S1PR2: variants seen among roughly 807,000 people sequenced by gnomAD.
S1PR2 encodes sphingosine-1-phosphate receptor 2.
In S1PR2, 9 loss-of-function variants were observed where a neutral mutation model predicts 16.1. The observed-to-expected ratio is 0.56, with a 90% CI of 0.34 to 0.98. S1PR2 has a LOEUF of 0.98. Among genes scored for constraint, S1PR2 ranks in the 50% least tolerant of loss-of-function variants. The probability of loss-of-function intolerance (pLI) is 0.02; values close to 1 mark genes in which losing one functional copy is unlikely to be tolerated. For missense variants in S1PR2, 361 were observed against 488.4 expected (o/e 0.74, Z 2.46); for synonymous variants, 224 against 233.9 (o/e 0.96, Z 0.38).
intron 1 of S1PR2, among the ~76,000 whole-genome samples, chr19:10,229,765 T>C (rs1053940787): frequency 1.3e-5 from 2 of 150,762 alleles, no homozygotes; most frequent in South Asian, 2.1e-4. Context: ...CAGTCTACAA[T>C]AGCAGCCATC....
At chr19:10,229,715 A>G (rs1213877888) in intron 1 of S1PR2, among the ~76,000 whole-genome samples, 2 of 152,258 alleles carry the variant, frequency 1.3e-5, no homozygotes, top group South Asian at 2.1e-4. Flanking sequence ...TGACCTTTCT[A>G]TTTAAAGGTC....
chr19:10,223,978 C>A lies in S1PR2; in HGVS notation c.928G>T (p.Val310Leu). 6.2e-7 allele frequency: 1 copy of A among 1,609,234 alleles called. No individual in the cohort carries two copies. Among genetic ancestry groups the A allele is most frequent in the Non-Finnish European group, 8.5e-7 (1 of 1,177,332 alleles). ...CCCCGCCTCCGTCCTTGCACCCCCA[C>A]CCCCGGCCTCCAGCACTGCAGCGGC... ...LRPLQCWRPG[V>L]GVQGRRRGGT... The change falls in exon 2 of 2, where the codon GTG (valine) becomes TTG (leucine). Residue 310 changes from valine to leucine, a missense_variant. By Grantham distance (32) the Val-to-Leu change is conservative. Transcript: ENST00000646641.
At position 10,223,904 on chromosome 19, in the gene S1PR2, C is replaced by T. The variant is rs886688510; in HGVS notation, c.1002G>A (p.Leu334=). ...HLLPLRSSSS[L]ERGMHMPTSP... Reference sequence around the variant, plus strand: ...ACGTGGGCATGTGCATGCCCCTCTCCAGGGAGCTGGAGCTGCGGAGTGGCA... The same window carrying T: ...ACGTGGGCATGTGCATGCCCCTCTCTAGGGAGCTGGAGCTGCGGAGTGGCA... The change falls in exon 2 of 2, where the codon CTG becomes CTA. Residue 334 remains leucine (L), a synonymous_variant. Coordinates refer to ENST00000646641, the MANE Select transcript of S1PR2 (RefSeq NM_004230.4). 1.9e-6 allele frequency: 3 copies of T among 1,593,296 alleles called. No individual in the cohort carries two copies. The highest frequency in any genetic ancestry group is 2.6e-6 in the Non-Finnish European group (3 of 1,169,586).
At chr19:10,230,215 G>A (rs539223876) in intron 1 of S1PR2, among the ~76,000 whole-genome samples, 4 of 152,302 alleles carry the variant, frequency 2.6e-5, no homozygotes, top group Admixed American at 1.3e-4. Flanking sequence ...TCCTTATCTG[G>A]TTTAGGAATG....
intron 1 of S1PR2, among the ~76,000 whole-genome samples, chr19:10,229,142 G>C (rs7250265): frequency 0.82 from 124,128 of 151,952 alleles, 51,130 homozygotes; most frequent in African/African-American, 0.9. Context: ...GCCCAAGTAG[G>C]ATGGCCCCTG....
chr19:10,224,489 C>T lies in S1PR2; in HGVS notation c.417G>A (p.Leu139=), dbSNP rs1160818107. The T allele has an allele frequency of 6.2e-7, 1 of 1,613,796 alleles. No individual in the cohort carries two copies. Among genetic ancestry groups the T allele is most frequent in the Non-Finnish European group, 8.5e-7 (1 of 1,180,062 alleles). The part of the protein sequence containing the change: ...ERHVAIAKVK[L]YGSDKSCRML... ...TGCGGCAGCTCTTGTCGCTGCCATA[C>T]AGCTTGACCTTGGCAATGGCCACGT... Residue 139 remains leucine (L), a synonymous_variant, in exon 2 of 2, where the codon CTG becomes CTA. Transcript: ENST00000646641.
At chr19:10,227,188 G>A (rs2039641048) in intron 1 of S1PR2, among the ~76,000 whole-genome samples, 1 of 152,036 alleles carries the variant, frequency 6.6e-6, no homozygotes, top group African/African-American at 2.4e-5. Flanking sequence ...TAAATGGGAG[G>A]GAGGGGGGAG....
At chr19:10,227,095 G>T (rs779157306) in intron 1 of S1PR2, among the ~76,000 whole-genome samples, 2 of 151,940 alleles carry the variant, frequency 1.3e-5, no homozygotes, top group Admixed American at 1.3e-4. Flanking sequence ...CCTTCCCCCA[G>T]CTTGGGGGTA....
At chr19:10,224,968 C>T in intron 1 of S1PR2, 21 bp from the exon 2 acceptor site, 1 of 1,371,012 alleles carries the variant, frequency 7.3e-7, no homozygotes, top group Non-Finnish European at 1.0e-6. Context: ...GACAGACAGA[C>T]AGACAGACAA....
At chr19:10,230,810 A>G (rs1478352717) in intron 1 of S1PR2, among the ~76,000 whole-genome samples, 1 of 152,168 alleles carries the variant, frequency 6.6e-6, no homozygotes, top group Non-Finnish European at 1.5e-5. Flanking sequence ...TGGAGGCTCC[A>G]CGGCGCGCAC....
Position 10,223,607 on chromosome 19 carries a change from C to T in S1PR2, c.*237G>A. The T allele has an allele frequency of 2.1e-6, 1 of 476,080 alleles. No homozygotes were observed. The highest frequency in any genetic ancestry group is 3.7e-6 in the Non-Finnish European group (1 of 272,616). 29.5% of individuals were successfully genotyped at this position (476,080 alleles called of 1,614,324 possible). A position where few individuals can be genotyped will look rare whatever the true frequency, so the allele number is the denominator to read the frequency against. On this transcript the variant is annotated 3_prime_UTR_variant, in exon 2 of 2. Transcript: ENST00000646641. The stretch of plus-strand genomic sequence containing the variant: ...CCCCTGCCCTGGCCTCCCCAGGATC[C>T]AGTTCTAAAGGGGTCACACTAGCCA...
chr19:10,230,320 G>C (rs2039664134), intron 1 of S1PR2: 2 of 153,926 alleles, frequency 1.3e-5, no homozygotes, highest in Middle Eastern at 6.5e-4. Flanking sequence ...TCTCCAAGCG[G>C]CACTGGAAGG....
chr19:10,230,954 G>C (rs2145447710), intron 1 of S1PR2, among the ~76,000 whole-genome samples: 1 of 152,310 alleles, frequency 6.6e-6, no homozygotes. Flanking sequence ...CTCGGATTCA[G>C]CCTTCTCCCC....
chr19:10,230,642 G>A (rs753521594), intron 1 of S1PR2, among the ~76,000 whole-genome samples: 3 of 152,236 alleles, frequency 2.0e-5, no homozygotes, highest in Admixed American at 2.0e-4. Flanking sequence ...AGCCGGAGTT[G>A]AAAGAGGAGG....
At chr19:10,225,938 G>A (rs2039631771) in intron 1 of S1PR2, among the ~76,000 whole-genome samples, 1 of 152,134 alleles carries the variant, frequency 6.6e-6, no homozygotes, top group East Asian at 1.9e-4. Flanking sequence ...CTACTCCTGG[G>A]CTCAAGTGAT....
At chr19:10,226,269 C>A (rs1250923663) in intron 1 of S1PR2, among the ~76,000 whole-genome samples, 3 of 152,184 alleles carry the variant, frequency 2.0e-5, no homozygotes, top group Non-Finnish European at 2.9e-5. Flanking sequence ...TGGGGAGACA[C>A]CAGGGCGGCC....
intron 1 of S1PR2, among the ~76,000 whole-genome samples, chr19:10,227,123 A>G (rs984508237): frequency 3.3e-5 from 5 of 151,766 alleles, no homozygotes; most frequent in Non-Finnish European, 5.9e-5. Flanking sequence ...GGGTTGTCAG[A>G]GGCGCCAGTG....
intron 1 of S1PR2, among the ~76,000 whole-genome samples, chr19:10,225,952 C>T (rs531440117): frequency 6.6e-6 from 1 of 152,264 alleles, no homozygotes; most frequent in African/African-American, 2.4e-5. Flanking sequence ...AAGTGATCCT[C>T]CTGCCTCAGT....
At chr19:10,227,797 G>A (rs758675119) in intron 1 of S1PR2, among the ~76,000 whole-genome samples, 1 of 152,136 alleles carries the variant, frequency 6.6e-6, no homozygotes, top group African/African-American at 2.4e-5. Flanking sequence ...TTAATGCTAT[G>A]TGGACGTCCC....
Sources: gnomAD v4.1 joint callset for allele counts (sites outside exome capture counted in the v4.1 genomes callset) on GRCh38, gnomAD v4.1.1 for gene constraint, MANE v1.5 for transcripts, NCBI Gene and HGNC (gene_info 2026-07-23, HGNC 2026-07-21) for gene names.